Variants in SGO2 observed in about 807,000 individuals in gnomAD.
SGO2 encodes shugoshin 2, also known as shugoshin-like 2.
In SGO2, 68 loss-of-function variants were observed where a neutral mutation model predicts 99.5. The observed-to-expected ratio is 0.68, with a 90% CI of 0.56 to 0.84. The LOEUF (loss-of-function observed/expected upper bound fraction) is 0.84. SGO2 is among the 40% of genes least tolerant of loss of function. The pLI is 0.00. For missense variants in SGO2, 1,350 were observed against 1,436.7 expected (o/e 0.94, Z 0.97); for synonymous variants, 457 against 487.1 (o/e 0.94, Z 0.81).
At chr2:200,528,260 G>T (rs1346931135) in intron 1 of SGO2, among the ~76,000 whole-genome samples, 1 of 152,148 alleles carries the variant, frequency 6.6e-6, no homozygotes, top group Non-Finnish European at 1.5e-5. Flanking sequence ...GATCATTGTG[G>T]TTGCTAGGTT....
At chr2:200,536,403 G>A (rs2031692504) in intron 4 of SGO2, among the ~76,000 whole-genome samples, 1 of 152,108 alleles carries the variant, frequency 6.6e-6, no homozygotes, top group African/African-American at 2.4e-5. Flanking sequence ...AATGGACTCA[G>A]AAACATAAAG....
intron 8 of SGO2, among the ~76,000 whole-genome samples, chr2:200,578,177 T>TAGATATAGATATAGATAC (rs1173463727): frequency 8.5e-5 from 13 of 152,052 alleles, no homozygotes; most frequent in Middle Eastern, 3.4e-3. Context: ...GATATAGATA[T>TAGATATAGATATAGATAC]AGATATATAT....
chr2:200,569,765 A>G lies in SGO2; in HGVS notation c.576A>G (p.Gly192=). ...SKTLPDIPSS[G]STTQPLSTQD... Reference sequence around the variant, plus strand: ...CATTACCTGATATTCCCTCTTCAGGATCAACAACACAACCTTTATCAACTC... The same window carrying G: ...CATTACCTGATATTCCCTCTTCAGGGTCAACAACACAACCTTTATCAACTC... The change falls in exon 6 of 9, where the codon GGA becomes GGG. Residue 192 remains glycine (G), a synonymous_variant. Coordinates refer to ENST00000357799, the MANE Select transcript of SGO2 (RefSeq NM_152524.6). The G allele has an allele frequency of 6.2e-7, 1 of 1,612,734 alleles. No homozygotes were observed. The highest frequency in any genetic ancestry group is 8.5e-7 in the Non-Finnish European group (1 of 1,178,950).
At chr2:200,557,101 T>C (rs2032749823) in intron 5 of SGO2, among the ~76,000 whole-genome samples, 1 of 152,134 alleles carries the variant, frequency 6.6e-6, no homozygotes, top group Non-Finnish European at 1.5e-5. Flanking sequence ...CCCACAGCCA[T>C]CTGCAAACAG....
At position 200,539,768 on chromosome 2, in the gene SGO2, C is replaced by T. The variant is rs1403288048; in HGVS notation, c.388-2811C>T. ...TCTCTATCAAGTTTGGAAAAATGTT[C>T]AGCCATAATGTCCCCAAGTACTTTT... On this transcript the variant is annotated intron_variant, in intron 4 of 8. Coordinates refer to ENST00000357799, the MANE Select transcript of SGO2 (RefSeq NM_152524.6). Among the ~76,000 whole-genome samples the T allele has an allele frequency of 2.6e-5, 4 of 152,214 alleles. No homozygotes were observed. The East Asian group carries it at 7.7e-4, about 29-fold the overall frequency.
rs2033489989 is a variant in SGO2 at position 200,572,748 on chromosome 2, A to T, written c.2402A>T (p.Asp801Val). 2 of 1,613,086 alleles carry T rather than the reference A, an allele frequency of 1.2e-6. No individual in the cohort carries two copies. Among genetic ancestry groups the T allele is most frequent in the African/African-American group, 1.3e-5 (1 of 74,998 alleles). The change falls in exon 7 of 9, where the codon GAT (aspartate) becomes GTT (valine). Residue 801 changes from aspartate (D) to valine (V), a missense_variant. By Grantham distance (152) the Asp-to-Val change is radical. Transcript: ENST00000357799. ...GATATGCAACCTGCTTGTCAAAATG[A>T]TTCAAAAATAGGTAAGAAGCCTAGA... ...GHDMQPACQN[D>V]SKIGKKPRLN...
rs2032470160 is a variant in SGO2 at position 200,551,161 on chromosome 2, C to CAAAG, written c.473+8499_473+8502dup. On this transcript the variant is annotated intron_variant, in intron 5 of 8. Coordinates refer to ENST00000357799, the MANE Select transcript of SGO2 (RefSeq NM_152524.6). ...CCAAAAAAAAAGGAAATTAGTGTAT[C>CAAAG]AAAGAGCTGTCTGCACTCCCATGTT... is the stretch of plus-strand genomic sequence containing the variant. Among the ~76,000 whole-genome samples the CAAAG allele has an allele frequency of 2.0e-5, 3 of 151,956 alleles. No individual in the cohort carries two copies. In the South Asian group the frequency reaches 6.2e-4, roughly 32 times the overall value.
chr2:200,555,753 T>C (rs952108373), intron 5 of SGO2, among the ~76,000 whole-genome samples: 1 of 152,126 alleles, frequency 6.6e-6, no homozygotes, highest in Non-Finnish European at 1.5e-5. Flanking sequence ...TGTTCTCTCA[T>C]AATGCAAAGA....
chr2:200,566,637 G>A (rs1181788574), intron 5 of SGO2, among the ~76,000 whole-genome samples: 1 of 152,214 alleles, frequency 6.6e-6, no homozygotes, highest in Non-Finnish European at 1.5e-5. Context: ...AATTTCTGCT[G>A]CCTTTTGTTC....
rs1216560440 is a variant in SGO2 at position 200,573,854 on chromosome 2, G to A, written c.3508G>A (p.Val1170Met). ...VPLSVSSGKN[V>M]IIKENFALEC... ...TTTGAGCGTTTCTTCTGGTAAAAATGTGATAATAAAAGAAAATTTTGCCTT... is the reference window on the plus strand; with the variant it reads ...TTTGAGCGTTTCTTCTGGTAAAAATATGATAATAAAAGAAAATTTTGCCTT... The change falls in exon 7 of 9, where the codon GTG becomes ATG. Residue 1170 changes from valine (V) to methionine (M), a missense_variant. By Grantham distance (21) the Val-to-Met change is conservative (BLOSUM62 1). Transcript: ENST00000357799. 2 of 1,613,166 alleles carry A rather than the reference G, an allele frequency of 1.2e-6. No homozygotes were observed. The highest frequency in any genetic ancestry group is 3.3e-5 in the Admixed American group (2 of 59,924).
intron 8 of SGO2, among the ~76,000 whole-genome samples, chr2:200,579,461 A>G (rs1227204532): frequency 6.6e-6 from 1 of 152,192 alleles, no homozygotes; most frequent in Non-Finnish European, 1.5e-5. Flanking sequence ...GCTTCTGTTG[A>G]AGTATTTTTG....
intron 5 of SGO2, among the ~76,000 whole-genome samples, chr2:200,553,216 A>G (rs2032569975): frequency 6.6e-6 from 1 of 152,238 alleles, no homozygotes; most frequent in African/African-American, 2.4e-5. Context: ...CCCATACTGC[A>G]TTCCTACACA....
At chr2:200,550,717 C>T (rs1199429692) in intron 5 of SGO2, among the ~76,000 whole-genome samples, 1 of 151,962 alleles carries the variant, frequency 6.6e-6, no homozygotes, top group African/African-American at 2.4e-5. Flanking sequence ...ATCTAAGACC[C>T]AAAACTATGA....
At chr2:200,555,301 GACAA>G (rs2032661481) in intron 5 of SGO2, among the ~76,000 whole-genome samples, 1 of 151,984 alleles carries the variant, frequency 6.6e-6, no homozygotes, top group Non-Finnish European at 1.5e-5. Context: ...TAAATACACA[GACAA>G]ACAAAAGAAG....
chr2:200,535,231 T>C (rs772591558), intron 3 of SGO2, 60 bp downstream of exon 3: 58 of 1,326,960 alleles, frequency 4.4e-5, no homozygotes, highest in Non-Finnish European at 5.5e-5. Context: ...AGCTGCATTA[T>C]TATAGAAGCT....
In SGO2 at chr2:200,526,555, C is replaced by A. The variant is rs1245888969; in HGVS notation, c.-3+303C>A. On this transcript the variant is annotated intron_variant, in intron 1 of 8. Transcript: ENST00000357799. This position sits in a 1 kb window ranked among gnomAD's most constrained non-coding sequence, Gnocchi z 4.8. ...AGATATTTCTGTCTCTGGGACTGCT[C>A]TACTCCCTTGAACAGTTTCTAGGGC... Among the ~76,000 whole-genome samples, 1 of 152,146 alleles carries A rather than the reference C, an allele frequency of 6.6e-6. No individual in the cohort carries two copies. Among genetic ancestry groups the A allele is most frequent in the South Asian group, 2.1e-4 (1 of 4,816 alleles).
intron 5 of SGO2, among the ~76,000 whole-genome samples, chr2:200,554,525 CA>C (rs1221990017): frequency 6.6e-6 from 1 of 152,098 alleles, no homozygotes; most frequent in Non-Finnish European, 1.5e-5. Flanking sequence ...CTGTAGGTGA[CA>C]AAAAGTCTTA....
intron 8 of SGO2, among the ~76,000 whole-genome samples, chr2:200,577,252 G>A (rs2033698717): frequency 6.6e-6 from 1 of 151,918 alleles, no homozygotes; most frequent in Non-Finnish European, 1.5e-5. Context: ...TTGCATGGTG[G>A]TTTTGATTTG....
At position 200,571,457 on chromosome 2, in the gene SGO2, G is replaced by A. The variant is rs749030587; in HGVS notation, c.1111G>A (p.Glu371Lys). 6 of 1,610,290 alleles carry A rather than the reference G, an allele frequency of 3.7e-6. No homozygotes were observed. Among genetic ancestry groups the A allele is most frequent in the South Asian group, 1.1e-5 (1 of 89,948 alleles). Reference protein sequence around the residue: ...YDADMDLTASEVSKIVTVSTG... With the variant: ...YDADMDLTASKVSKIVTVSTG... The stretch of plus-strand genomic sequence containing the variant: ...TGCTGACATGGATTTAACTGCTAGT[G>A]AAGTCAGCAAAATTGTCACAGTCTC... Residue 371 changes from glutamate to lysine, a missense_variant, in exon 7 of 9, where the codon GAA becomes AAA. By Grantham distance (56) the Glu-to-Lys change is moderately conservative. Coordinates refer to ENST00000357799, the MANE Select transcript of SGO2 (RefSeq NM_152524.6).
Sources: gnomAD v4.1 joint callset for allele counts (sites outside exome capture counted in the v4.1 genomes callset) on GRCh38, gnomAD v4.1.1 for gene constraint, Gnocchi (gnomAD v3.1) non-coding constraint, MANE v1.5 for transcripts, NCBI Gene and HGNC (gene_info 2026-07-23, HGNC 2026-07-21) for gene names.